Variants in CPNE4 observed in about 807,000 individuals in gnomAD.
CPNE4 encodes copine 4, also known as copine-4.
Under a neutral mutation model 67.9 loss-of-function variants are expected in CPNE4, and 25 were observed. The observed-to-expected ratio is 0.37, with a 90% CI of 0.27 to 0.51. The LOEUF (loss-of-function observed/expected upper bound fraction) is 0.51. Among genes scored for constraint, CPNE4 ranks in the 20% least tolerant of loss-of-function variants. CPNE4 has a pLI of 0.93. For missense variants in CPNE4, 464 were observed against 690.8 expected (o/e 0.67, Z 3.68); for synonymous variants, 242 against 244.9 (o/e 0.99, Z 0.11).
intron 2 of CPNE4, among the ~76,000 whole-genome samples, chr3:131,903,854 G>A (rs2088643856): frequency 6.6e-6 from 1 of 152,090 alleles, no homozygotes; most frequent in South Asian, 2.1e-4. Context: ...TTCTTCCCCA[G>A]GTACCACCAT....
upstream of CPNE4, chr3:132,037,865 T>G (rs2074364893): frequency 4.9e-6 from 2 of 405,168 alleles, no homozygotes; most frequent in Non-Finnish European, 9.0e-6. Flanking sequence ...ATACCATTTT[T>G]TAAGGGGAGC....
intron 2 of CPNE4, among the ~76,000 whole-genome samples, chr3:131,889,137 C>A (rs2088009592): frequency 2.0e-5 from 3 of 152,142 alleles, no homozygotes; most frequent in Admixed American, 2.0e-4. Flanking sequence ...TAAGCATCAT[C>A]TCAATAGATC....
chr3:131,874,214 G>A (rs943038455), intron 2 of CPNE4, among the ~76,000 whole-genome samples: 100 of 151,620 alleles, frequency 6.6e-4, no homozygotes, highest in African/African-American at 2.3e-3. Context: ...TCAGCCCCCC[G>A]AGTAGCTGAG....
chr3:131,542,448 T>A, intron 15 of CPNE4, 109 bp downstream of exon 15: 1 of 804,200 alleles, frequency 1.2e-6, no homozygotes, highest in East Asian at 2.4e-5. Context: ...ATAGCTGGTG[T>A]TGCTTCAAGA....
At chr3:131,901,743 G>T (rs577738745) in intron 2 of CPNE4, among the ~76,000 whole-genome samples, 132 of 152,096 alleles carry the variant, frequency 8.7e-4, no homozygotes, top group African/African-American at 3.1e-3. Flanking sequence ...TTTGGTTCTG[G>T]GACTACCATC....
At chr3:131,936,499 T>G (rs2071227269) in intron 1 of CPNE4, among the ~76,000 whole-genome samples, 1 of 152,098 alleles carries the variant, frequency 6.6e-6, no homozygotes, top group Admixed American at 6.6e-5. Context: ...AAAGAACCCT[T>G]AAGTTTACTC....
At chr3:131,699,810 A>G in intron 4 of CPNE4, 99 bp downstream of exon 4, 2 of 795,856 alleles carry the variant, frequency 2.5e-6, no homozygotes, top group Non-Finnish European at 4.1e-6. Context: ...ACCAACTCCC[A>G]ATATCAGAAA....
At chr3:131,544,361 G>A (rs993373571) in intron 14 of CPNE4, among the ~76,000 whole-genome samples, 4 of 152,120 alleles carry the variant, frequency 2.6e-5, no homozygotes, top group African/African-American at 9.7e-5. Flanking sequence ...CTGAAAAAAT[G>A]TTTTAAATGA....
At chr3:131,628,174 T>C (rs1159802273) in intron 7 of CPNE4, among the ~76,000 whole-genome samples, 1 of 152,172 alleles carries the variant, frequency 6.6e-6, no homozygotes, top group Non-Finnish European at 1.5e-5. Context: ...ACCACCCTGA[T>C]CAGTCAGCAG....
At chr3:131,707,688 G>A (rs56778422) in intron 3 of CPNE4, among the ~76,000 whole-genome samples, 20,773 of 151,966 alleles carry the variant, frequency 0.14, 1,640 homozygotes, top group African/African-American at 0.2. Flanking sequence ...ACTTGATCAG[G>A]CCCTGAGCTA....
intron 7 of CPNE4, among the ~76,000 whole-genome samples, chr3:131,661,124 C>G (rs182936373): frequency 5.9e-5 from 9 of 152,298 alleles, no homozygotes; most frequent in Admixed American, 3.3e-4. Flanking sequence ...CTCTTTGTTA[C>G]TGCAGCATTG....
chr3:131,688,070 G>C (rs200893042), intron 5 of CPNE4, among the ~76,000 whole-genome samples: 1 of 152,208 alleles, frequency 6.6e-6, no homozygotes, highest in South Asian at 2.1e-4. Flanking sequence ...GAGAGGCAGG[G>C]GGAATCATTG....
chr3:131,814,798 G>A (rs1240058778), intron 2 of CPNE4, among the ~76,000 whole-genome samples: 2 of 138,566 alleles, frequency 1.4e-5, no homozygotes, highest in South Asian at 2.1e-4. Context: ...TAGAGACGGG[G>A]TTTCACCGTT....
intron 2 of CPNE4, among the ~76,000 whole-genome samples, chr3:131,748,400 C>CT (rs1013588375): frequency 2.0e-5 from 3 of 151,288 alleles, no homozygotes; most frequent in Non-Finnish European, 3.0e-5. Flanking sequence ...GAATACTGGT[C>CT]TTTTTTTTAA....
At chr3:131,866,042 G>C (rs1465161098) in intron 2 of CPNE4, among the ~76,000 whole-genome samples, 1 of 152,198 alleles carries the variant, frequency 6.6e-6, no homozygotes, top group Admixed American at 6.5e-5. Flanking sequence ...GGGTAAGGAG[G>C]CTCTCTGGAG....
chr3:131,796,571 A>T (rs914444978), intron 2 of CPNE4, among the ~76,000 whole-genome samples: 23 of 152,182 alleles, frequency 1.5e-4, no homozygotes, highest in African/African-American at 5.6e-4. Flanking sequence ...AAGTCAATTC[A>T]AACTAGAATA....
At chr3:131,586,040 A>G (rs1277308128) in intron 8 of CPNE4, among the ~76,000 whole-genome samples, 2 of 151,972 alleles carry the variant, frequency 1.3e-5, no homozygotes, top group Non-Finnish European at 2.9e-5. Context: ...CTGACTCTAA[A>G]AAAATGTTAG....
intron 7 of CPNE4, among the ~76,000 whole-genome samples, chr3:131,657,433 T>C (rs1053472558): frequency 1.3e-5 from 2 of 152,172 alleles, no homozygotes; most frequent in African/African-American, 4.8e-5. Flanking sequence ...TTTTAACTTT[T>C]TGAAAATTAT....
At chr3:131,623,564 G>A (rs1582909634) in intron 7 of CPNE4, among the ~76,000 whole-genome samples, 1 of 152,134 alleles carries the variant, frequency 6.6e-6, no homozygotes, top group Non-Finnish European at 1.5e-5. Flanking sequence ...TCTACTTGCA[G>A]TCCTCCCTCC....
Sources: gnomAD v4.1 joint callset for allele counts (sites outside exome capture counted in the v4.1 genomes callset) on GRCh38, gnomAD v4.1.1 for gene constraint, MANE v1.5 for transcripts, NCBI Gene and HGNC (gene_info 2026-07-23, HGNC 2026-07-21) for gene names.